EBF3: variants seen among roughly 807,000 people sequenced by gnomAD.
The protein encoded by EBF3 is transcription factor COE3.
A neutral mutation model predicts 77.1 loss-of-function variants in EBF3; 18 were observed. The ratio of observed to expected loss-of-function variants is 0.23; its 90% CI spans 0.16 to 0.35. EBF3 has a LOEUF of 0.35. Ranked by LOEUF, EBF3 falls within the 10% of genes least tolerant of loss-of-function variation. The pLI, the probability that EBF3 is intolerant of heterozygous loss-of-function variation, is 1.00. For missense variants in EBF3, 558 were observed against 860.0 expected (o/e 0.65, Z 4.39); for synonymous variants, 350 against 343.5 (o/e 1.02, Z -0.21).
chr10:129,930,177 T>C (rs10764920), intron 6 of EBF3, among the ~76,000 whole-genome samples: 106,875 of 152,080 alleles, frequency 0.7, 37,939 homozygotes, highest in East Asian at 0.92. Flanking sequence ...GATTACACCA[T>C]CAACTTCTAC....
At chr10:129,940,251 A>G (rs1857639428) in intron 6 of EBF3, among the ~76,000 whole-genome samples, 1 of 151,898 alleles carries the variant, frequency 6.6e-6, no homozygotes, top group African/African-American at 2.4e-5. Flanking sequence ...TGCAGGCCCT[A>G]CCCTCTGACC....
Position 129,840,447 on chromosome 10 carries a change from A to C in EBF3, c.1562-5T>G. The C allele has an allele frequency of 6.5e-7, 1 of 1,549,562 alleles. No individual in the cohort carries two copies. ...TGGTGGGGCTGGACGGCACTACTGC[A>C]ACAAAGCAAACACGGTCAGCACGCG... is the stretch of plus-strand genomic sequence containing the variant. On this transcript the variant is annotated splice_polypyrimidine_tract_variant and splice_region_variant and intron_variant, in intron 14 of 16. Transcript: ENST00000440978.
At chr10:129,882,961 T>G (rs954306527) in intron 6 of EBF3, among the ~76,000 whole-genome samples, 3 of 152,226 alleles carry the variant, frequency 2.0e-5, no homozygotes, top group Non-Finnish European at 4.4e-5. Context: ...AGAAATAGAT[T>G]GTCTCCTTAG....
At position 129,861,892 on chromosome 10, in the gene EBF3, C is replaced by T. The variant is rs1851663955; in HGVS notation, c.1039+5249G>A. ...AGTAATTTGTTTGAGGAGCACCGGC[C>T]TGGGAGACAGCAAGCTGGGGCTGGC... On this transcript the variant is annotated intron_variant, in intron 10 of 16. Coordinates refer to ENST00000440978, the MANE Select transcript of EBF3 (RefSeq NM_001375380.1). The surrounding 1 kb of genome is among the most constrained non-coding windows in gnomAD (Gnocchi z 4.3). Among the ~76,000 whole-genome samples the T allele has an allele frequency of 6.6e-6, 1 of 152,214 alleles. No individual in the cohort carries two copies. The highest frequency in any genetic ancestry group is 2.4e-5 in the African/African-American group (1 of 41,432).
rs1227493041 is a variant in EBF3, at chr10:129,870,274, AT to A, written c.782-2363del. 6.6e-6 allele frequency among the ~76,000 whole-genome samples: 1 copy of A among 152,110 alleles called. No homozygotes were observed. The highest frequency in any genetic ancestry group is 2.4e-5 in the African/African-American group (1 of 41,440). ...TTCAATGGGAACCATAGCAAAATGA[AT>A]TACACAGACAGCGTTAGAGATCTAA... On this transcript the variant is annotated intron_variant, in intron 8 of 16. Transcript: ENST00000440978. This position sits in a 1 kb window ranked among gnomAD's most constrained non-coding sequence, Gnocchi z 4.4.
intron 3 of EBF3, 22 bp downstream of exon 3, chr10:129,962,920 C>T (rs1564930788): frequency 1.1e-5 from 18 of 1,612,968 alleles, no homozygotes; most frequent in Non-Finnish European, 1.5e-5. Flanking sequence ...GCAGGGGCGG[C>T]GAGCACGCAG....
chr10:129,900,276 T>G (rs1854685689), intron 6 of EBF3, among the ~76,000 whole-genome samples: 1 of 152,210 alleles, frequency 6.6e-6, no homozygotes, highest in Admixed American at 6.5e-5. Flanking sequence ...GTAAATGTGC[T>G]AAAATCTGCT....
rs185555709 is a variant in EBF3, at chr10:129,878,751, G to C, written c.555-902C>G. 5.9e-3 allele frequency among the ~76,000 whole-genome samples: 866 copies of C among 147,500 alleles called. 5 individuals carry two copies. The highest frequency in any genetic ancestry group is 0.046 in the East Asian group (231 of 4,990). On this transcript the variant is annotated intron_variant, in intron 6 of 16. Transcript: ENST00000440978. ...GGGCAGGAGAATCACTTGAACCCAG[G>C]AGGTGGAGGTTGCAGTGAGCGGAGA...
At chr10:129,876,168 G>T (rs1488650109) in intron 7 of EBF3, among the ~76,000 whole-genome samples, 1 of 152,210 alleles carries the variant, frequency 6.6e-6, no homozygotes, top group East Asian at 1.9e-4. Context: ...CCTACAGAAA[G>T]CTGCTGAGAT....
chr10:129,883,111 C>A (rs1286849148), intron 6 of EBF3, among the ~76,000 whole-genome samples: 1 of 152,188 alleles, frequency 6.6e-6, no homozygotes, highest in Non-Finnish European at 1.5e-5. Flanking sequence ...GAACCCTGTA[C>A]AGGATTTTTT....
intron 6 of EBF3, among the ~76,000 whole-genome samples, chr10:129,914,849 G>T (rs1196837492): frequency 6.6e-6 from 1 of 152,104 alleles, no homozygotes; most frequent in African/African-American, 2.4e-5. Context: ...GGGAGGCTCA[G>T]TGAGCAATAA....
Position 129,950,634 on chromosome 10 carries a change from G to C in EBF3, c.554+6624C>G, listed in dbSNP as rs550431747. 7.2e-5 allele frequency among the ~76,000 whole-genome samples: 11 copies of C among 151,770 alleles called. No individual in the cohort carries two copies. The South Asian group carries it at 8.3e-4, about 11-fold the overall frequency. ...CTAAGAAGCTTATAAAATTCAACAA[G>C]AACAACAACAAAAAAAAACCCCTTA... On this transcript the variant is annotated intron_variant, in intron 6 of 16. Transcript: ENST00000440978.
intron 10 of EBF3, among the ~76,000 whole-genome samples, chr10:129,855,550 G>A (rs1283553789): frequency 6.6e-6 from 1 of 152,178 alleles, no homozygotes; most frequent in African/African-American, 2.4e-5. Context: ...GACGGGACTG[G>A]GGGAGACAGG....
rs1287889334 is a variant in EBF3, at chr10:129,933,027, A to G, written c.554+24231T>C. Among the ~76,000 whole-genome samples, 4 of 152,292 alleles carry G rather than the reference A, an allele frequency of 2.6e-5. No homozygotes were observed. In the East Asian group the frequency reaches 7.7e-4, roughly 29 times the overall value. ...ATTCAGTCAACACTGATTTCAATAA[A>G]AAGACCCAAAAATTATCATAAATAT... On this transcript the variant is annotated intron_variant, in intron 6 of 16. Transcript: ENST00000440978.
chr10:129,868,763 C>G (rs1195828950), intron 8 of EBF3, among the ~76,000 whole-genome samples: 3 of 152,222 alleles, frequency 2.0e-5, no homozygotes, highest in Non-Finnish European at 4.4e-5. Flanking sequence ...GGGCTGCAGG[C>G]CTGGTGGAGG....
chr10:129,885,861 A>G lies in EBF3; in HGVS notation c.555-8012T>C, dbSNP rs1178834228. On this transcript the variant is annotated intron_variant, in intron 6 of 16. Coordinates refer to ENST00000440978, the MANE Select transcript of EBF3 (RefSeq NM_001375380.1). The surrounding 1 kb of genome is among the most constrained non-coding windows in gnomAD (Gnocchi z 4.0). ...GGCTTTTACAGGTTATGCAGAGATT[A>G]AGTGCCTATGCTTATCCCAACTTAG... Among the ~76,000 whole-genome samples the G allele has an allele frequency of 6.6e-6, 1 of 152,130 alleles. No homozygotes were observed. Among genetic ancestry groups the G allele is most frequent in the Non-Finnish European group, 1.5e-5 (1 of 68,032 alleles).
At chr10:129,865,044 C>G (rs1851899909) in intron 10 of EBF3, among the ~76,000 whole-genome samples, 1 of 152,210 alleles carries the variant, frequency 6.6e-6, no homozygotes, top group Non-Finnish European at 1.5e-5. Context: ...TCTGCAAACA[C>G]CAGGTCTTTG....
At chr10:129,889,966 TTTTTTTTTTTG>T (rs1335641005) in intron 6 of EBF3, among the ~76,000 whole-genome samples, 6 of 133,498 alleles carry the variant, frequency 4.5e-5, no homozygotes, top group African/African-American at 5.8e-5. Context: ...TTTTTTTTTT[TTTTTTTTTTTG>T]GTTATGAAGA....
At chr10:129,902,148 A>G (rs997931996) in intron 6 of EBF3, among the ~76,000 whole-genome samples, 1 of 152,068 alleles carries the variant, frequency 6.6e-6, no homozygotes, top group African/African-American at 2.4e-5. Context: ...ATCTAGCGCC[A>G]CACTTAGTTC....
Sources: allele counts gnomAD v4.1 joint callset (sites outside exome capture counted in the v4.1 genomes callset), GRCh38; gene constraint gnomAD v4.1.1; non-coding constraint Gnocchi (gnomAD v3.1); transcripts MANE v1.5; gene names NCBI Gene and HGNC (gene_info 2026-07-23, HGNC 2026-07-21).